The following SET variants were observed in gnomAD, a reference collection of about 807,000 sequenced individuals.
The protein encoded by SET is protein SET.
Under a neutral mutation model 39.0 loss-of-function variants are expected in SET, and 4 were observed. The observed-to-expected ratio is 0.10, with a 90% CI of 0.05 to 0.23. The LOEUF (loss-of-function observed/expected upper bound fraction) is 0.23, where lower values mean the gene tolerates loss of function less well. Among genes scored for constraint, SET ranks in the 10% least tolerant of loss-of-function variants. The pLI is 1.00. For missense variants in SET, 137 were observed against 329.7 expected (o/e 0.42, Z 4.53); for synonymous variants, 114 against 115.9 (o/e 0.98, Z 0.11).
chr9:128,692,232 C>CA lies in SET; in HGVS notation c.274+240dup, dbSNP rs201254323. On this transcript the variant is annotated intron_variant, in intron 3 of 7. Coordinates refer to ENST00000322030, the MANE Select transcript of SET (RefSeq NM_003011.4). ...TGAAACCCCGTCTCTACTAAAAATA[C>CA]AAAAAAAATTAGCTGGGCGTGGTGG... 5.4e-3 allele frequency: 2,205 copies of CA among 410,774 alleles called. 34 individuals carry two copies. The highest frequency in any genetic ancestry group is 0.04 in the East Asian group (950 of 23,514). The allele number at this position is 410,774 out of a possible 1,614,324, so 25.4% of individuals were successfully genotyped here.
At chr9:128,692,081 A>G (rs1861556420) in intron 3 of SET, 81 bp downstream of exon 3, 1 of 1,528,822 alleles carries the variant, frequency 6.5e-7, no homozygotes, top group Admixed American at 1.9e-5. Context: ...TTAGTCCAGC[A>G]TGCTGGGTTG....
chr9:128,684,382 T>G (rs1339444393), upstream of SET, among the ~76,000 whole-genome samples: 2 of 152,092 alleles, frequency 1.3e-5, no homozygotes, highest in Admixed American at 1.3e-4. Flanking sequence ...ATCTCTCAGA[T>G]CTGTCCACCT....
intron 2 of SET, 40 bp downstream of exon 2, chr9:128,691,267 G>T: frequency 1.5e-6 from 2 of 1,294,332 alleles, no homozygotes; most frequent in Middle Eastern, 2.7e-4. Flanking sequence ...AATTTTCTGA[G>T]ATGTGTCTAA....
rs191311210 is a variant in SET at position 128,683,961 on chromosome 9, G to T, written c.66G>T (p.Leu22=). 3,465 of 1,557,270 alleles carry T rather than the reference G, an allele frequency of 2.2e-3. 18 individuals are homozygous for T. The highest frequency in any genetic ancestry group is 0.017 in the African/African-American group (1,214 of 73,370). Residue 22 remains leucine (L), a synonymous_variant, in exon 1 of 8, where the codon CTG becomes CTT. Transcript: ENST00000372692. ...AGAAACCAAGACCACCTCCTGCTCT[G>T]GGACCGGAGGAGACATCGGCCTCTG...
Position 128,689,497 on chromosome 9 carries a change from TG to T in SET, c.-84del, listed in dbSNP as rs1861418977. On this transcript the variant is annotated 5_prime_UTR_variant, in exon 1 of 8. Coordinates refer to ENST00000322030, the MANE Select transcript of SET (RefSeq NM_003011.4). The stretch of plus-strand genomic sequence containing the variant: ...CGGACCGAGCGGGCGCCCGCGCGTG[TG>T]GCGTGAGGGGAAGCCGCTTGCCCGC... The T allele has an allele frequency of 1.5e-6, 1 of 665,888 alleles. No individual in the cohort carries two copies. Among genetic ancestry groups the T allele is most frequent in the South Asian group, 4.0e-5 (1 of 25,250 alleles). 41.2% of individuals were successfully genotyped at this position (665,888 alleles called of 1,614,324 possible). A position where few individuals can be genotyped will look rare whatever the true frequency, so the allele number is the denominator to read the frequency against.
chr9:128,689,566 G>A lies in SET; in HGVS notation c.-17G>A. 9.7e-7 allele frequency: 1 copy of A among 1,030,588 alleles called. No individual in the cohort carries two copies. The highest frequency in any genetic ancestry group is 1.3e-6 in the Non-Finnish European group (1 of 793,876). 63.8% of individuals were successfully genotyped at this position (1,030,588 alleles called of 1,614,324 possible). On this transcript the variant is annotated 5_prime_UTR_variant, in exon 1 of 8. Transcript: ENST00000322030. The stretch of plus-strand genomic sequence containing the variant: ...CTCTCCCCCTCCCCGCTCCCCCCCC[G>A]ACCGCGGAGCAGCACCATGTCGGCG...
Position 128,689,492 on chromosome 9 carries a change from G to C in SET, c.-91G>C. The C allele has an allele frequency of 1.5e-6, 1 of 656,382 alleles. No homozygotes were observed. Among genetic ancestry groups the C allele is most frequent in the Non-Finnish European group, 2.1e-6 (1 of 472,842 alleles). 40.7% of individuals were successfully genotyped at this position (656,382 alleles called of 1,614,324 possible). A position where few individuals can be genotyped will look rare whatever the true frequency, so the allele number is the denominator to read the frequency against. ...GCGGCCGGACCGAGCGGGCGCCCGCGCGTGTGGCGTGAGGGGAAGCCGCTT... is the reference window on the plus strand; with the variant it reads ...GCGGCCGGACCGAGCGGGCGCCCGCCCGTGTGGCGTGAGGGGAAGCCGCTT... On this transcript the variant is annotated 5_prime_UTR_variant, in exon 1 of 8. Transcript: ENST00000322030.
chr9:128,691,091 T>C (rs555013421), intron 1 of SET, 79 bp from the exon 2 acceptor site: 2 of 1,142,136 alleles, frequency 1.8e-6, no homozygotes, highest in South Asian at 1.3e-5. Context: ...TTTAATGGCT[T>C]TTGGAATATT....
exon 1 of SET, chr9:128,683,726 C>A (rs1017083097): frequency 3.6e-6 from 2 of 551,112 alleles, no homozygotes; most frequent in Non-Finnish European, 3.2e-6. Flanking sequence ...TGGGATGAGG[C>A]TGGGGGAGGG....
chr9:128,688,406 G>GTA (rs886853465), upstream of SET, among the ~76,000 whole-genome samples: 29 of 152,258 alleles, frequency 1.9e-4, no homozygotes, highest in African/African-American at 7.0e-4. Context: ...TCATCTCTAT[G>GTA]AACAGAACAC....
rs187342759 is a variant in SET at position 128,693,874 on chromosome 9, A to G, written c.664-22A>G. Reference sequence around the variant, plus strand: ...CGGTTGTTTAAAAATGAGTCCTTATATTGTGCTTTTTTTTTTTTAAGGTTC... The same window carrying G: ...CGGTTGTTTAAAAATGAGTCCTTATGTTGTGCTTTTTTTTTTTTAAGGTTC... On this transcript the variant is annotated intron_variant, in intron 6 of 7. Transcript: ENST00000322030. 317 of 1,598,870 alleles carry G rather than the reference A, an allele frequency of 2.0e-4. 2 individuals carry two copies. In the East Asian group the frequency reaches 6.9e-3, roughly 35 times the overall value.
At chr9:128,683,681 C>T in exon 1 of SET, 1 of 445,804 alleles carries the variant, frequency 2.2e-6, no homozygotes, top group East Asian at 4.2e-5. Flanking sequence ...AGGCAGAGAG[C>T]AACTAAAAGA....
intron 3 of SET, 29 bp downstream of exon 3, chr9:128,692,029 G>A: frequency 6.2e-7 from 1 of 1,607,832 alleles, no homozygotes; most frequent in Admixed American, 1.7e-5. Context: ...ATTGTTAAAG[G>A]ATAAACAGTG....
Position 128,691,841 on chromosome 9 carries a change from CTT to C in SET, c.132-14_132-13del. On this transcript the variant is annotated splice_polypyrimidine_tract_variant and intron_variant, in intron 2 of 7. Transcript: ENST00000322030. Reference sequence around the variant, plus strand: ...TTAAATACTATCATTGTCAACATCTCTTTTCATTTGCTTCAGACTTAATGAAC... The same window carrying C: ...TTAAATACTATCATTGTCAACATCTCTTCATTTGCTTCAGACTTAATGAAC... 2 of 1,600,792 alleles carry C rather than the reference CTT, an allele frequency of 1.2e-6. No individual in the cohort carries two copies. Among genetic ancestry groups the C allele is most frequent in the East Asian group, 2.2e-5 (1 of 44,696 alleles).
rs1861704545 is a variant in SET, at chr9:128,695,548, T to A, written c.*884T>A. 4.5e-6 allele frequency: 1 copy of A among 223,850 alleles called. No individual in the cohort carries two copies. The highest frequency in any genetic ancestry group is 9.0e-6 in the Non-Finnish European group (1 of 110,994). The allele number at this position is 223,850 out of a possible 1,614,324, so 13.9% of individuals were successfully genotyped here. ...GTGTACACAAAGGATTTGATGCTTT[T>A]CTCTCAGCATAGGTATGCTTACTAT... is the stretch of plus-strand genomic sequence containing the variant. On this transcript the variant is annotated 3_prime_UTR_variant, in exon 8 of 8. Coordinates refer to ENST00000322030, the MANE Select transcript of SET (RefSeq NM_003011.4).
chr9:128,683,500 A>G (rs774815757), upstream of SET: 79 of 236,020 alleles, frequency 3.3e-4, no homozygotes, highest in Admixed American at 8.4e-4. Context: ...AAAAAAAAAG[A>G]GGATAAGTTC....
In SET at chr9:128,689,432, G is replaced by C. The variant is rs1861414848; in HGVS notation, c.-151G>C. On this transcript the variant is annotated 5_prime_UTR_variant, in exon 1 of 8. Transcript: ENST00000322030. ...GCGAGGGTAGCGCGCGCGAGCGAGC[G>C]AGGGGGAGGGAGAGCGAGCGAGCGC... is the stretch of plus-strand genomic sequence containing the variant. 1.5e-6 allele frequency: 1 copy of C among 653,074 alleles called. No homozygotes were observed. The highest frequency in any genetic ancestry group is 6.8e-5 in the South Asian group (1 of 14,762). 40.5% of individuals were successfully genotyped at this position (653,074 alleles called of 1,614,324 possible). A position where few individuals can be genotyped will look rare whatever the true frequency, so the allele number is the denominator to read the frequency against.
intron 2 of SET, among the ~76,000 whole-genome samples, chr9:128,691,577 C>G (rs898402791): frequency 2.0e-5 from 3 of 152,118 alleles, no homozygotes; most frequent in Non-Finnish European, 2.9e-5. Flanking sequence ...TTGAGGGAAA[C>G]AATTGAAATT....
At chr9:128,690,997 T>C in intron 1 of SET, 173 bp from the exon 2 acceptor site, 1 of 687,424 alleles carries the variant, frequency 1.5e-6, no homozygotes, top group South Asian at 1.6e-5. Context: ...TAAATGGTCT[T>C]TTAATTAATT....
Sources: allele counts gnomAD v4.1 joint callset (sites outside exome capture counted in the v4.1 genomes callset), GRCh38; gene constraint gnomAD v4.1.1; transcripts MANE v1.5; gene names NCBI Gene and HGNC (gene_info 2026-07-23, HGNC 2026-07-21).